The following WWC2 variants were observed in gnomAD, a reference collection of about 807,000 sequenced individuals.
WWC2 encodes the protein protein WWC2.
WWC2 carries 101 observed loss-of-function variants against 138.5 expected under a neutral mutation model. The ratio of observed to expected loss-of-function variants is 0.73; its 90% CI spans 0.62 to 0.86. WWC2 has a LOEUF of 0.86. Among genes scored for constraint, WWC2 ranks in the 40% least tolerant of loss-of-function variants. The pLI is 0.00. For synonymous variants in WWC2, 558 were observed against 538.4 expected (o/e 1.04, Z -0.50); for missense variants, 1,420 against 1,419.4 (o/e 1.00, Z -0.01).
rs372622869 is a variant in WWC2, at chr4:183,264,959, C to G, written c.1910-19C>G. 4.8e-5 allele frequency: 77 copies of G among 1,606,088 alleles called. No homozygotes were observed. Among genetic ancestry groups the G allele is most frequent in the Non-Finnish European group, 6.1e-5 (72 of 1,176,138 alleles). ...CAAATAAGACATTCTGATTAGTGCTCTCACCCTCCCCTCCATAGATGTGGA... is the reference window on the plus strand; with the variant it reads ...CAAATAAGACATTCTGATTAGTGCTGTCACCCTCCCCTCCATAGATGTGGA... On this transcript the variant is annotated intron_variant, in intron 11 of 22. Coordinates refer to ENST00000403733, the MANE Select transcript of WWC2 (RefSeq NM_024949.6).
intron 21 of WWC2, among the ~76,000 whole-genome samples, chr4:183,311,520 G>C (rs1344932794): frequency 6.6e-6 from 1 of 151,936 alleles, no homozygotes; most frequent in Non-Finnish European, 1.5e-5. Context: ...TCCGGTGCTG[G>C]TTACATGGGT....
chr4:183,186,031 T>C (rs1285283711), intron 1 of WWC2, among the ~76,000 whole-genome samples: 1 of 148,004 alleles, frequency 6.8e-6, no homozygotes, highest in East Asian at 2.0e-4. Context: ...CACTGCAAGC[T>C]CCATCTCCCG....
intron 21 of WWC2, among the ~76,000 whole-genome samples, chr4:183,300,924 G>A (rs1007218636): frequency 1.3e-5 from 2 of 152,180 alleles, no homozygotes; most frequent in South Asian, 4.2e-4. Flanking sequence ...GGCAAAGACG[G>A]AACAGGATCC....
intron 4 of WWC2, among the ~76,000 whole-genome samples, chr4:183,217,306 G>A (rs891579662): frequency 1.3e-5 from 2 of 152,118 alleles, no homozygotes; most frequent in East Asian, 1.9e-4. Flanking sequence ...ACCTTTGGGA[G>A]TGTTGGGTAT....
At chr4:183,164,182 C>T (rs1336542406) in intron 1 of WWC2, among the ~76,000 whole-genome samples, 1 of 150,284 alleles carries the variant, frequency 6.7e-6, no homozygotes, top group Non-Finnish European at 1.5e-5. Flanking sequence ...ATTGCATGAT[C>T]TTAAGCTCCG....
At chr4:183,146,532 G>A (rs573927756) in intron 1 of WWC2, among the ~76,000 whole-genome samples, 1 of 152,342 alleles carries the variant, frequency 6.6e-6, no homozygotes, top group South Asian at 2.1e-4. Flanking sequence ...TTCATGCCCA[G>A]GTACCATAGG....
intron 1 of WWC2, among the ~76,000 whole-genome samples, chr4:183,141,047 A>G (rs1733285684): frequency 1.3e-5 from 2 of 152,226 alleles, no homozygotes; most frequent in Admixed American, 6.5e-5. Flanking sequence ...CACAGGAAGT[A>G]CCGAACAGCC....
At chr4:183,153,086 G>A (rs1373258311) in intron 1 of WWC2, among the ~76,000 whole-genome samples, 1 of 151,986 alleles carries the variant, frequency 6.6e-6, no homozygotes, top group African/African-American at 2.4e-5. Context: ...TATAGTTTTT[G>A]TAGAGACAGA....
intron 1 of WWC2, among the ~76,000 whole-genome samples, chr4:183,163,315 C>T (rs1040126956): frequency 6.6e-6 from 1 of 152,164 alleles, no homozygotes; most frequent in Non-Finnish European, 1.5e-5. Context: ...CCTGGGCTGC[C>T]GGAGTAGCCA....
intron 4 of WWC2, among the ~76,000 whole-genome samples, chr4:183,226,098 T>TC (rs1483934164): frequency 4.9e-4 from 72 of 147,118 alleles, no homozygotes; most frequent in Non-Finnish European, 8.3e-4. Context: ...TTCTTTTCTT[T>TC]TTTTTTTTTT....
chr4:183,211,809 G>C (rs1229095451), intron 4 of WWC2, among the ~76,000 whole-genome samples: 1 of 151,874 alleles, frequency 6.6e-6, no homozygotes, highest in African/African-American at 2.4e-5. Context: ...ATGACACTGA[G>C]CTTCCCTTAT....
chr4:183,319,500 C>A lies in WWC2; in HGVS notation c.*3771C>A. The stretch of plus-strand genomic sequence containing the variant: ...GAGATGACTAGAGCGGGACATCCTA[C>A]CAAATCCAGTGTTGAGCAAGCGTCT... On this transcript the variant is annotated 3_prime_UTR_variant, in exon 23 of 23. Transcript: ENST00000403733. 1.3e-6 allele frequency: 2 copies of A among 1,505,146 alleles called. No individual in the cohort carries two copies. Among genetic ancestry groups the A allele is most frequent in the Non-Finnish European group, 1.8e-6 (2 of 1,118,868 alleles). The allele number at this position is 1,505,146 out of a possible 1,614,324, so 93.2% of individuals were successfully genotyped here. A position where few individuals can be genotyped will look rare whatever the true frequency, so the allele number is the denominator to read the frequency against.
At chr4:183,159,457 T>A (rs1733896425) in intron 1 of WWC2, among the ~76,000 whole-genome samples, 1 of 152,112 alleles carries the variant, frequency 6.6e-6, no homozygotes, top group African/African-American at 2.4e-5. Context: ...CAGGCCGGAG[T>A]ACAGTGGCGA....
chr4:183,293,306 T>C (rs1738522556), intron 21 of WWC2, among the ~76,000 whole-genome samples: 1 of 152,230 alleles, frequency 6.6e-6, no homozygotes, highest in Non-Finnish European at 1.5e-5. Context: ...GTTGACCATG[T>C]CAAAATGTCT....
intron 1 of WWC2, among the ~76,000 whole-genome samples, chr4:183,103,331 C>CTT (rs772364256): frequency 1.6e-4 from 20 of 123,790 alleles, no homozygotes; most frequent in African/African-American, 3.4e-4. Context: ...TCTGTATTGT[C>CTT]TTTTTTTTTT....
intron 4 of WWC2, among the ~76,000 whole-genome samples, chr4:183,211,973 C>T (rs1735610986): frequency 6.6e-6 from 1 of 152,066 alleles, no homozygotes; most frequent in Non-Finnish European, 1.5e-5. Context: ...AGGCACCTGC[C>T]ACCACGCCCG....
chr4:183,198,669 T>C (rs1735215926), intron 2 of WWC2, among the ~76,000 whole-genome samples: 1 of 151,644 alleles, frequency 6.6e-6, no homozygotes, highest in African/African-American at 2.4e-5. Context: ...CAAGATTCTT[T>C]GAAGCTGAGC....
chr4:183,185,140 C>CTGAG (rs1290609633), intron 1 of WWC2, among the ~76,000 whole-genome samples: 1 of 151,942 alleles, frequency 6.6e-6, no homozygotes, highest in African/African-American at 2.4e-5. Context: ...CCCAAATCTA[C>CTGAG]TGAGTCGGAA....
At chr4:183,311,012 G>A (rs190044183) in intron 21 of WWC2, among the ~76,000 whole-genome samples, 207 of 152,176 alleles carry the variant, frequency 1.4e-3, no homozygotes, top group Middle Eastern at 6.8e-3. Flanking sequence ...AGAAGGTCAA[G>A]CAACTTGCCC....
Sources: gnomAD v4.1 joint callset for allele counts (sites outside exome capture counted in the v4.1 genomes callset) on GRCh38, gnomAD v4.1.1 for gene constraint, MANE v1.5 for transcripts, NCBI Gene and HGNC (gene_info 2026-07-23, HGNC 2026-07-21) for gene names.